Variants in BLTP3B observed in about 807,000 individuals in gnomAD.
BLTP3B encodes the protein bridge-like lipid transfer protein family member 3B.
At chr12:100,069,866 AT>A in the BLTP3B span, 3 of 808,932 alleles carry the variant, frequency 3.7e-6, no homozygotes, top group African/African-American at 1.9e-5. Flanking sequence ...GAAATAAAAA[AT>A]TTTTTTAAAT....
At chr12:100,045,660 A>C in the BLTP3B span, among the ~76,000 whole-genome samples, 1 of 152,252 alleles carries the variant, frequency 6.6e-6, no homozygotes, top group Non-Finnish European at 1.5e-5. Context: ...TTCAGAACAT[A>C]GGCATGGGCA....
At chr12:100,142,460 G>A in the BLTP3B span, 3 of 1,002,696 alleles carry the variant, frequency 3.0e-6, no homozygotes, top group Non-Finnish European at 4.3e-6. Flanking sequence ...CCTCTGCCCC[G>A]GCCAGAGCGG....
At chr12:100,051,047 T>C in the BLTP3B span, 5 of 1,606,390 alleles carry the variant, frequency 3.1e-6, no homozygotes, top group Non-Finnish European at 4.2e-6. Flanking sequence ...GTGGCATTTA[T>C]CTTCATAGAA....
the BLTP3B span, among the ~76,000 whole-genome samples, chr12:100,098,817 G>A: frequency 2.6e-5 from 4 of 151,792 alleles, no homozygotes; most frequent in African/African-American, 4.8e-5. Context: ...GCTGAGGGAC[G>A]AGAATCACCT....
At chr12:100,089,172 G>A in the BLTP3B span, 5 of 1,264,948 alleles carry the variant, frequency 4.0e-6, no homozygotes, top group East Asian at 1.3e-4. Context: ...AGTATTTTCA[G>A]TCGAAAGTCA....
chr12:100,114,829 C>T, the BLTP3B span, among the ~76,000 whole-genome samples: 1 of 152,134 alleles, frequency 6.6e-6, no homozygotes, highest in Non-Finnish European at 1.5e-5. Context: ...AGAAACAGAT[C>T]AAGGCTTTTC....
the BLTP3B span, among the ~76,000 whole-genome samples, chr12:100,120,731 T>G: frequency 6.6e-6 from 1 of 151,876 alleles, no homozygotes; most frequent in African/African-American, 2.4e-5. Flanking sequence ...TACTAAGAAT[T>G]TACTTAAAAG....
the BLTP3B span, among the ~76,000 whole-genome samples, chr12:100,042,933 C>T: frequency 5.8e-4 from 89 of 152,140 alleles, no homozygotes; most frequent in African/African-American, 1.7e-3. Flanking sequence ...CAGGGTAGCT[C>T]GGATTACAGA....
At chr12:100,048,737 A>T in the BLTP3B span, among the ~76,000 whole-genome samples, 1 of 97,630 alleles carries the variant, frequency 1.0e-5, no homozygotes, top group Non-Finnish European at 2.0e-5. Context: ...AAGGGGGGGG[A>T]GAGAGAGAGA....
the BLTP3B span, among the ~76,000 whole-genome samples, chr12:100,067,505 A>G: frequency 6.6e-6 from 1 of 152,202 alleles, no homozygotes; most frequent in Non-Finnish European, 1.5e-5. Context: ...AACAGGAGAT[A>G]CTACAACTGA....
the BLTP3B span, chr12:100,047,477 C>A: frequency 4.3e-6 from 6 of 1,383,136 alleles, no homozygotes; most frequent in South Asian, 1.2e-5. Flanking sequence ...CAAGCCTGGG[C>A]AACAAGAGCA....
the BLTP3B span, among the ~76,000 whole-genome samples, chr12:100,116,202 C>A: frequency 1.3e-5 from 2 of 149,306 alleles, no homozygotes; most frequent in African/African-American, 5.0e-5. Flanking sequence ...TCTAGCCAGA[C>A]ACAGTGGCTC....
chr12:100,141,413 GTATATGTA>G, the BLTP3B span, among the ~76,000 whole-genome samples: 1 of 145,264 alleles, frequency 6.9e-6, no homozygotes, highest in South Asian at 2.2e-4. Context: ...GTGTATATAT[GTATATGTA>G]TATATGTACA....
the BLTP3B span, among the ~76,000 whole-genome samples, chr12:100,077,746 C>A: frequency 1.3e-5 from 2 of 152,174 alleles, no homozygotes; most frequent in African/African-American, 4.8e-5. Context: ...AATGATAAAT[C>A]TAGAAATCTT....
the BLTP3B span, chr12:100,086,419 C>T: frequency 6.7e-6 from 8 of 1,185,218 alleles, no homozygotes; most frequent in Non-Finnish European, 9.4e-6. Context: ...ATTTAATTTA[C>T]CACAGAAAAA....
chr12:100,125,001 CAT>C, the BLTP3B span, among the ~76,000 whole-genome samples: 9 of 75,452 alleles, frequency 1.2e-4, no homozygotes, highest in Admixed American at 1.8e-4. Context: ...TATTAAGGTC[CAT>C]ATATATATAT....
the BLTP3B span, among the ~76,000 whole-genome samples, chr12:100,041,429 CTTTTTTTTTT>C: frequency 2.9e-5 from 3 of 101,812 alleles, no homozygotes; most frequent in East Asian, 2.7e-4. Flanking sequence ...GCTATTGTTA[CTTTTTTTTTT>C]TTTTTTTTTT....
At chr12:100,037,241 T>C in the BLTP3B span, 1 of 974,820 alleles carries the variant, frequency 1.0e-6, no homozygotes, top group Non-Finnish European at 1.2e-6. Context: ...TAGTAAATTA[T>C]TAACAAATAT....
At chr12:100,117,630 ACCT>A in the BLTP3B span, among the ~76,000 whole-genome samples, 2 of 150,304 alleles carry the variant, frequency 1.3e-5, no homozygotes, top group Non-Finnish European at 3.0e-5. Context: ...CTCCACCTTG[ACCT>A]CCTCAACATG....
Sources: allele counts gnomAD v4.1 joint callset (sites outside exome capture counted in the v4.1 genomes callset), GRCh38; gene constraint gnomAD v4.1.1; transcripts MANE v1.5; gene names NCBI Gene and HGNC (gene_info 2026-07-23, HGNC 2026-07-21).